BNC2: variants seen among roughly 807,000 people sequenced by gnomAD.
BNC2 encodes the protein zinc finger protein basonuclin-2.
A neutral mutation model predicts 76.3 loss-of-function variants in BNC2; 20 were observed. The observed-to-expected ratio is 0.26, with a 90% CI of 0.18 to 0.38. The LOEUF is 0.38. Ranked by LOEUF, BNC2 falls within the 10% of genes least tolerant of loss-of-function variation. The pLI is 1.00. For synonymous variants in BNC2, 582 were observed against 514.8 expected (o/e 1.13, Z -1.77); for missense variants, 1,382 against 1,399.8 (o/e 0.99, Z 0.20).
Position 16,423,983 on chromosome 9 carries a change from G to A in BNC2, c.2640-4334C>T, listed in dbSNP as rs978418221. Among the ~76,000 whole-genome samples, 6 of 152,138 alleles carry A rather than the reference G, an allele frequency of 3.9e-5. No homozygotes were observed. The East Asian group carries it at 1.2e-3, about 29-fold the overall frequency. On this transcript the variant is annotated intron_variant, in intron 6 of 6. Coordinates refer to ENST00000380672, the MANE Select transcript of BNC2 (RefSeq NM_017637.6). ...TTCTTCTTTGAAATGCTGAGTGGAA[G>A]TACTCTAACTGGACTAAAGTGGACT...
chr9:16,570,437 A>C (rs1819289336), intron 4 of BNC2, among the ~76,000 whole-genome samples: 1 of 152,194 alleles, frequency 6.6e-6, no homozygotes, highest in Admixed American at 6.6e-5. Flanking sequence ...CTAGGCTATC[A>C]CACACACTTT....
chr9:16,484,873 G>A (rs1046537082), intron 5 of BNC2, among the ~76,000 whole-genome samples: 1 of 152,206 alleles, frequency 6.6e-6, no homozygotes, highest in African/African-American at 2.4e-5. Context: ...AATGACAAGT[G>A]ATGGGGGAGA....
intron 4 of BNC2, among the ~76,000 whole-genome samples, chr9:16,561,981 A>G (rs1236428060): frequency 1.3e-5 from 2 of 152,156 alleles, no homozygotes; most frequent in Admixed American, 6.5e-5. Flanking sequence ...CTCCAGCCTG[A>G]GCAACAGAGT....
intron 5 of BNC2, among the ~76,000 whole-genome samples, chr9:16,512,388 C>T (rs1396301450): frequency 2.0e-5 from 3 of 152,158 alleles, no homozygotes. Context: ...CACAATCAAA[C>T]TGATGAGAGC....
At chr9:16,856,790 C>G (rs1463074518) in intron 1 of BNC2, among the ~76,000 whole-genome samples, 1 of 152,170 alleles carries the variant, frequency 6.6e-6, no homozygotes, top group Non-Finnish European at 1.5e-5. Flanking sequence ...AAGATCTGAA[C>G]TATCACATTG....
intron 1 of BNC2, among the ~76,000 whole-genome samples, chr9:16,738,845 G>A (rs775978052): frequency 1.3e-4 from 1 of 7,572 alleles, no homozygotes; most frequent in Admixed American, 1.2e-3. Context: ...CCCCCGCCCC[G>A]CTCCCTTGCC....
At chr9:16,559,257 T>A (rs12002297) in intron 4 of BNC2, among the ~76,000 whole-genome samples, 13,320 of 152,186 alleles carry the variant, frequency 0.088, 1,291 homozygotes, top group African/African-American at 0.23. Flanking sequence ...ATAAACTTTC[T>A]TAAATGAGAT....
intron 1 of BNC2, among the ~76,000 whole-genome samples, chr9:16,771,181 T>A (rs926481848): frequency 2.0e-5 from 3 of 152,032 alleles, no homozygotes; most frequent in Non-Finnish European, 4.4e-5. Context: ...AAAAAAAGAA[T>A]TCTTAGCAAG....
At chr9:16,612,973 G>A (rs992351751) in intron 3 of BNC2, among the ~76,000 whole-genome samples, 1 of 152,148 alleles carries the variant, frequency 6.6e-6, no homozygotes, top group African/African-American at 2.4e-5. Flanking sequence ...CCAAGATGGG[G>A]AAAGAAGATC....
At chr9:16,836,117 C>A (rs1181198443) in intron 1 of BNC2, among the ~76,000 whole-genome samples, 1 of 152,184 alleles carries the variant, frequency 6.6e-6, no homozygotes, top group Non-Finnish European at 1.5e-5. Flanking sequence ...GCCTCTCACG[C>A]TATGAATGTG....
chr9:16,573,781 A>C (rs933238182), intron 4 of BNC2, among the ~76,000 whole-genome samples: 1 of 152,242 alleles, frequency 6.6e-6, no homozygotes, highest in Non-Finnish European at 1.5e-5. Flanking sequence ...TAATACTTAA[A>C]GCACTTCTTA....
In BNC2 at chr9:16,647,913, C is replaced by A. The variant is rs527266962; in HGVS notation, c.331-64828G>T. Among the ~76,000 whole-genome samples, 4 of 152,212 alleles carry A rather than the reference C, an allele frequency of 2.6e-5. No individual in the cohort carries two copies. In the East Asian group the frequency reaches 7.7e-4, roughly 29 times the overall value. On this transcript the variant is annotated intron_variant, in intron 3 of 6. Transcript: ENST00000380672. ...TTTCTAATCTTATTCAACCATCTCCCAATTTTGAAAAATTTTATACATTAA... is the reference window on the plus strand; with the variant it reads ...TTTCTAATCTTATTCAACCATCTCCAAATTTTGAAAAATTTTATACATTAA...
At chr9:16,765,145 T>C (rs1296819456) in intron 1 of BNC2, among the ~76,000 whole-genome samples, 1 of 152,150 alleles carries the variant, frequency 6.6e-6, no homozygotes, top group African/African-American at 2.4e-5. Flanking sequence ...ATATTTAGTA[T>C]TCTAGACCCA....
At chr9:16,853,400 T>C (rs927493250) in intron 1 of BNC2, among the ~76,000 whole-genome samples, 1 of 145,208 alleles carries the variant, frequency 6.9e-6, no homozygotes, top group African/African-American at 2.5e-5. Context: ...GAGTGAGACC[T>C]TGTCTCAAAA....
intron 5 of BNC2, among the ~76,000 whole-genome samples, chr9:16,512,073 A>T (rs887403448): frequency 6.6e-6 from 1 of 152,180 alleles, no homozygotes; most frequent in Non-Finnish European, 1.5e-5. Context: ...TTTACCTATT[A>T]ATCTATTGTA....
At chr9:16,839,739 A>T (rs1308831675) in intron 1 of BNC2, among the ~76,000 whole-genome samples, 3 of 152,244 alleles carry the variant, frequency 2.0e-5, no homozygotes, top group Non-Finnish European at 2.9e-5. Context: ...TTAAAGGCTG[A>T]TTAGAAGATC....
At chr9:16,435,530 G>A (rs745736636) in intron 6 of BNC2, 25 bp downstream of exon 6, 18 of 1,612,366 alleles carry the variant, frequency 1.1e-5, no homozygotes, top group African/African-American at 4.0e-5. Flanking sequence ...CCCCCAGCAG[G>A]AGCAGCCAAT....
At chr9:16,849,433 G>A (rs972693134) in intron 1 of BNC2, among the ~76,000 whole-genome samples, 2 of 133,828 alleles carry the variant, frequency 1.5e-5, no homozygotes, top group East Asian at 2.2e-4. Context: ...ATCTCGGCTC[G>A]CTGCAACCTC....
chr9:16,856,065 A>G (rs1232163065), intron 1 of BNC2, among the ~76,000 whole-genome samples: 3 of 152,164 alleles, frequency 2.0e-5, no homozygotes, highest in African/African-American at 7.2e-5. Flanking sequence ...CCATCCATAA[A>G]TATATGTTAA....
Sources: gnomAD v4.1 joint callset for allele counts (sites outside exome capture counted in the v4.1 genomes callset) on GRCh38, gnomAD v4.1.1 for gene constraint, MANE v1.5 for transcripts, NCBI Gene and HGNC (gene_info 2026-07-23, HGNC 2026-07-21) for gene names.